RSBN1L: variants seen among roughly 807,000 people sequenced by gnomAD.
RSBN1L encodes the protein round spermatid basic protein 1 like, also known as lysine-specific demethylase RSBN1L.
Under a neutral mutation model 67.7 loss-of-function variants are expected in RSBN1L, and 30 were observed. The ratio of observed to expected loss-of-function variants is 0.44; its 90% CI spans 0.33 to 0.60. The LOEUF is 0.60. Among genes scored for constraint, RSBN1L ranks in the 20% least tolerant of loss-of-function variants. The probability of loss-of-function intolerance (pLI) is 0.02; values close to 1 mark genes in which losing one functional copy is unlikely to be tolerated. For missense variants in RSBN1L, 992 were observed against 1,031.7 expected (o/e 0.96, Z 0.53); for synonymous variants, 433 against 387.0 (o/e 1.12, Z -1.39).
intron 1 of RSBN1L, among the ~76,000 whole-genome samples, chr7:77,725,244 C>CTT (rs779531960): frequency 0.017 from 1,235 of 73,594 alleles, 127 homozygotes; most frequent in African/African-American, 0.073. Context: ...AAGCCCCCCA[C>CTT]TTTTTTTTTT....
At chr7:77,770,568 A>G (rs1333174785) in intron 5 of RSBN1L, among the ~76,000 whole-genome samples, 1 of 151,740 alleles carries the variant, frequency 6.6e-6, no homozygotes, top group Admixed American at 6.6e-5. Flanking sequence ...CCGTAGCCCT[A>G]GCTACTCGGA....
chr7:77,697,115 G>C, intron 1 of RSBN1L, 60 bp downstream of exon 1: 1 of 1,305,972 alleles, frequency 7.7e-7, no homozygotes, highest in Non-Finnish European at 9.7e-7. Context: ...GCCCCCTGGC[G>C]CCCACGGGGC....
At chr7:77,702,424 T>G (rs533698537) in intron 1 of RSBN1L, among the ~76,000 whole-genome samples, 3 of 152,346 alleles carry the variant, frequency 2.0e-5, no homozygotes, top group African/African-American at 7.2e-5. Flanking sequence ...CCTATTATTT[T>G]TGGTTTTTCT....
At chr7:77,737,311 A>G (rs1205383711) in intron 2 of RSBN1L, among the ~76,000 whole-genome samples, 1 of 152,194 alleles carries the variant, frequency 6.6e-6, no homozygotes, top group African/African-American at 2.4e-5. Context: ...GATGATGAGA[A>G]TATGTTGACC....
At chr7:77,723,231 G>T (rs1171491632) in intron 1 of RSBN1L, among the ~76,000 whole-genome samples, 1 of 152,018 alleles carries the variant, frequency 6.6e-6, no homozygotes, top group Admixed American at 6.5e-5. Context: ...CTCCCAAAGT[G>T]CTGGGATTAC....
At chr7:77,768,885 G>A in intron 5 of RSBN1L, 82 bp downstream of exon 5, 1 of 1,216,254 alleles carries the variant, frequency 8.2e-7, no homozygotes, top group Non-Finnish European at 1.2e-6. Flanking sequence ...TTGGAGGAAG[G>A]AGGAATGCAA....
chr7:77,734,209 A>G (rs1791304109), intron 1 of RSBN1L, among the ~76,000 whole-genome samples: 1 of 152,222 alleles, frequency 6.6e-6, no homozygotes, highest in South Asian at 2.1e-4. Context: ...GTGCTATACA[A>G]AGACTGGAAG....
chr7:77,742,816 C>T (rs115325239), intron 2 of RSBN1L, among the ~76,000 whole-genome samples: 4 of 152,152 alleles, frequency 2.6e-5, no homozygotes, highest in Middle Eastern at 3.4e-3. Flanking sequence ...GCACCCTGGG[C>T]GACAGAGTGA....
chr7:77,716,780 C>T (rs74467112), intron 1 of RSBN1L, among the ~76,000 whole-genome samples: 18,741 of 151,102 alleles, frequency 0.12, 1,210 homozygotes, highest in African/African-American at 0.16. Context: ...TACAGGCGTG[C>T]ACCACCACGC....
At chr7:77,756,762 G>C in intron 3 of RSBN1L, among the ~76,000 whole-genome samples, 1 of 152,206 alleles carries the variant, frequency 6.6e-6, no homozygotes, top group East Asian at 1.9e-4. Flanking sequence ...CTGGACGACA[G>C]AGTGAGACTC....
chr7:77,770,904 T>G (rs1791840037), intron 5 of RSBN1L, among the ~76,000 whole-genome samples: 2 of 152,106 alleles, frequency 1.3e-5, no homozygotes, highest in African/African-American at 4.8e-5. Flanking sequence ...TTGGAATGGA[T>G]GGAGATGATG....
At chr7:77,738,561 A>G (rs1001675611) in intron 2 of RSBN1L, among the ~76,000 whole-genome samples, 2 of 152,236 alleles carry the variant, frequency 1.3e-5, no homozygotes, top group Admixed American at 1.3e-4. Context: ...TGCCAAGTAT[A>G]GAATCTGGCT....
intron 1 of RSBN1L, among the ~76,000 whole-genome samples, chr7:77,708,696 T>C (rs1474700360): frequency 6.6e-6 from 1 of 151,864 alleles, no homozygotes; most frequent in Non-Finnish European, 1.5e-5. Context: ...TCAGACTATT[T>C]TGTGGGCAAC....
chr7:77,730,704 A>T (rs1368074699), intron 1 of RSBN1L, among the ~76,000 whole-genome samples: 1 of 152,154 alleles, frequency 6.6e-6, no homozygotes, highest in Non-Finnish European at 1.5e-5. Context: ...CATTTCCTCC[A>T]TGTCTTTGCA....
intron 3 of RSBN1L, among the ~76,000 whole-genome samples, chr7:77,765,068 A>C (rs1321110105): frequency 6.6e-6 from 1 of 152,204 alleles, no homozygotes; most frequent in East Asian, 1.9e-4. Flanking sequence ...TTGATGGTTA[A>C]ATGTTTTCAG....
At chr7:77,739,739 CTTTTTTTTTT>C (rs1173154183) in intron 2 of RSBN1L, among the ~76,000 whole-genome samples, 58 of 42,688 alleles carry the variant, frequency 1.4e-3, no homozygotes, top group African/African-American at 3.6e-3. Flanking sequence ...AAAAATGTGT[CTTTTTTTTTT>C]TTTTTTTTTT....
At chr7:77,727,028 G>A (rs1284564642) in intron 1 of RSBN1L, among the ~76,000 whole-genome samples, 3 of 150,950 alleles carry the variant, frequency 2.0e-5, no homozygotes, top group African/African-American at 7.3e-5. Flanking sequence ...TGATCCACCC[G>A]CCTTGGCCTC....
At chr7:77,771,903 T>C (rs895079021) in intron 5 of RSBN1L, among the ~76,000 whole-genome samples, 7 of 152,098 alleles carry the variant, frequency 4.6e-5, no homozygotes, top group Non-Finnish European at 8.8e-5. Context: ...TACAGATAAA[T>C]ACAAACTTTT....
intron 1 of RSBN1L, among the ~76,000 whole-genome samples, chr7:77,706,486 C>A (rs1790894590): frequency 6.6e-6 from 1 of 152,190 alleles, no homozygotes; most frequent in Non-Finnish European, 1.5e-5. Context: ...GCTGAGATTA[C>A]AGGTGTGAAC....
Sources: allele counts gnomAD v4.1 joint callset (sites outside exome capture counted in the v4.1 genomes callset), GRCh38; gene constraint gnomAD v4.1.1; transcripts MANE v1.5; gene names NCBI Gene and HGNC (gene_info 2026-07-23, HGNC 2026-07-21).